The following CWH43 variants were observed in gnomAD, a reference collection of about 807,000 sequenced individuals.
The protein encoded by CWH43 is cell wall biogenesis 43 C-terminal homolog.
Under a neutral mutation model 85.7 loss-of-function variants are expected in CWH43, and 91 were observed. The ratio of observed to expected loss-of-function variants is 1.06; its 90% CI spans 0.90 to 1.26. CWH43 has a LOEUF of 1.26. Ranked by LOEUF, CWH43 falls within the 50% of genes most tolerant of loss-of-function variation. CWH43 has a pLI of 0.00. For missense variants in CWH43, 869 were observed against 839.2 expected (o/e 1.04, Z -0.44); for synonymous variants, 323 against 293.6 (o/e 1.10, Z -1.02).
Position 48,991,527 on chromosome 4 carries a change from A to T in CWH43, c.309A>T (p.Ser103=), listed in dbSNP as rs3747691. 8.2e-5 allele frequency: 133 copies of T among 1,614,018 alleles called. No individual in the cohort carries two copies. In the East Asian group the frequency reaches 2.8e-3, roughly 34 times the overall value. The part of the protein sequence containing the change: ...LMVLALGVSS[S]LIVQAVTWWS... ...TTCTTGCGCTTGGGGTGTCTTCCTC[A>T]CTGATAGTGCAAGCTGTGACTTGGT... Residue 103 remains serine (S), a synonymous_variant, in exon 3 of 16, where the codon TCA becomes TCT. Transcript: ENST00000226432.
chr4:48,988,698 T>G (rs1291475808), intron 2 of CWH43, 30 bp downstream of exon 2: 1 of 1,407,720 alleles, frequency 7.1e-7, no homozygotes, highest in Non-Finnish European at 9.6e-7. Context: ...CTTTAAGTTG[T>G]TTTTTTTAAG....
chr4:49,009,148 C>T lies in CWH43; in HGVS notation c.1186+1822C>T, dbSNP rs980934060. ...CATTTGTTTGTGTCCTCTTTTATTTCATTGAGCAGTGGTTTGTAGTTCTCC... is the reference window on the plus strand; with the variant it reads ...CATTTGTTTGTGTCCTCTTTTATTTTATTGAGCAGTGGTTTGTAGTTCTCC... On this transcript the variant is annotated intron_variant, in intron 8 of 15. Coordinates refer to ENST00000226432, the MANE Select transcript of CWH43 (RefSeq NM_025087.3). 3.0e-4 allele frequency among the ~76,000 whole-genome samples: 46 copies of T among 152,108 alleles called. 1 individual carries two copies. Among genetic ancestry groups the T allele is most frequent in the African/African-American group, 1.0e-3 (42 of 41,422 alleles).
intron 12 of CWH43, among the ~76,000 whole-genome samples, chr4:49,033,955 T>C (rs777201267): frequency 2.0e-5 from 3 of 152,218 alleles, no homozygotes; most frequent in Non-Finnish European, 4.4e-5. Context: ...GTGCCACTCT[T>C]ATTTCCCTGG....
rs1278017095 is a variant in CWH43, at chr4:49,038,059, A to G, written c.1682A>G (p.Gln561Arg). Residue 561 changes from glutamine to arginine, a missense_variant, in exon 13 of 16, where the codon CAG becomes CGG. Physicochemically the swap from Gln to Arg is conservative, Grantham distance 43 (BLOSUM62 1). Transcript: ENST00000226432. ...NHEDDLDRKL[Q>R]AIAVSKLLKS... is the part of the protein sequence containing the mutation. Reference sequence around the variant, plus strand: ...AGAGATGACCTCGACAGGAAACTGCAGGCTATTGCTGTTTCAAAACTACTG... The same window carrying G: ...AGAGATGACCTCGACAGGAAACTGCGGGCTATTGCTGTTTCAAAACTACTG... 2.5e-6 allele frequency: 4 copies of G among 1,607,706 alleles called. No homozygotes were observed. Among genetic ancestry groups the G allele is most frequent in the Admixed American group, 1.7e-5 (1 of 58,398 alleles).
intron 1 of CWH43, 162 bp downstream of exon 1, chr4:48,986,634 A>G: frequency 7.0e-7 from 1 of 1,419,832 alleles, no homozygotes; most frequent in Non-Finnish European, 9.2e-7. Flanking sequence ...TTTCCTACTG[A>G]AGGGAATAAA....
At chr4:48,990,497 T>C (rs1782626648) in intron 2 of CWH43, among the ~76,000 whole-genome samples, 1 of 152,180 alleles carries the variant, frequency 6.6e-6, no homozygotes. Context: ...GATCTGAGCA[T>C]TACATGCCAT....
intron 15 of CWH43, among the ~76,000 whole-genome samples, chr4:49,056,761 AT>A (rs1412410185): frequency 6.7e-6 from 1 of 150,360 alleles, no homozygotes; most frequent in Admixed American, 6.6e-5. Flanking sequence ...TGATGTCTTT[AT>A]TTTTTCTTAA....
At chr4:49,010,045 G>T (rs2109771907) in intron 8 of CWH43, among the ~76,000 whole-genome samples, 1 of 152,268 alleles carries the variant, frequency 6.6e-6, no homozygotes, top group African/African-American at 2.4e-5. Context: ...AGTTTTAGAA[G>T]GTATGTTACC....
chr4:49,057,250 A>T (rs956757104), intron 15 of CWH43, among the ~76,000 whole-genome samples: 4 of 152,228 alleles, frequency 2.6e-5, no homozygotes, highest in African/African-American at 4.8e-5. Flanking sequence ...TATTTTAGGG[A>T]GACATGAGAC....
At chr4:49,035,078 C>G (rs560396701) in intron 12 of CWH43, among the ~76,000 whole-genome samples, 1 of 152,184 alleles carries the variant, frequency 6.6e-6, no homozygotes, top group African/African-American at 2.4e-5. Flanking sequence ...AGCCTCCCAA[C>G]AAGCGACATA....
intron 15 of CWH43, among the ~76,000 whole-genome samples, chr4:49,057,216 G>A (rs1159463410): frequency 6.6e-6 from 1 of 152,192 alleles, no homozygotes; most frequent in South Asian, 2.1e-4. Flanking sequence ...GCCTAAGGTG[G>A]TCAGAGTACA....
chr4:49,028,381 T>C (rs1033928259), intron 9 of CWH43, among the ~76,000 whole-genome samples: 5 of 152,202 alleles, frequency 3.3e-5, no homozygotes, highest in African/African-American at 1.2e-4. Context: ...AAGCAGTGCT[T>C]ATTACAAAAC....
At chr4:49,022,761 C>T (rs1783792647) in intron 9 of CWH43, among the ~76,000 whole-genome samples, 1 of 151,894 alleles carries the variant, frequency 6.6e-6, no homozygotes, top group Non-Finnish European at 1.5e-5. Flanking sequence ...CTATTTTTTC[C>T]TGGTTTAATC....
intron 11 of CWH43, 64 bp from the exon 12 acceptor site, chr4:49,032,502 A>G: frequency 1.3e-6 from 2 of 1,576,724 alleles, no homozygotes; most frequent in South Asian, 1.1e-5. Context: ...GCATTTGCTT[A>G]GTCCCAGTGC....
At chr4:49,035,539 C>T (rs970971694) in intron 12 of CWH43, among the ~76,000 whole-genome samples, 7 of 152,144 alleles carry the variant, frequency 4.6e-5, no homozygotes, top group Non-Finnish European at 1.0e-4. Flanking sequence ...GATTTGGTTC[C>T]GTGGCGGTTA....
At chr4:49,030,281 C>T (rs1170014425) in intron 10 of CWH43, among the ~76,000 whole-genome samples, 1 of 152,176 alleles carries the variant, frequency 6.6e-6, no homozygotes, top group African/African-American at 2.4e-5. Context: ...CTAACCTGTT[C>T]TGGTTATTCT....
At chr4:49,049,652 G>T (rs1255775364) in intron 14 of CWH43, among the ~76,000 whole-genome samples, 1 of 152,100 alleles carries the variant, frequency 6.6e-6, no homozygotes, top group African/African-American at 2.4e-5. Context: ...GAGTTGGCCC[G>T]CAAAACACCA....
intron 8 of CWH43, among the ~76,000 whole-genome samples, chr4:49,015,055 C>A (rs74997938): frequency 0.041 from 6,282 of 152,182 alleles, 436 homozygotes; most frequent in African/African-American, 0.14. Flanking sequence ...CCTCCAAACC[C>A]CTGGCAACCA....
chr4:49,058,986 A>G (rs1483028678), intron 15 of CWH43, among the ~76,000 whole-genome samples: 1 of 152,122 alleles, frequency 6.6e-6, no homozygotes, highest in African/African-American at 2.4e-5. Flanking sequence ...TTTGGGCTTC[A>G]TGGATCTGCA....
Sources: allele counts gnomAD v4.1 joint callset (sites outside exome capture counted in the v4.1 genomes callset), GRCh38; gene constraint gnomAD v4.1.1; transcripts MANE v1.5; gene names NCBI Gene and HGNC (gene_info 2026-07-23, HGNC 2026-07-21).